NXN: variants seen among roughly 807,000 people sequenced by gnomAD.
The protein encoded by NXN is nucleoredoxin 1.
A neutral mutation model predicts 48.6 loss-of-function variants in NXN; 16 were observed. The ratio of observed to expected loss-of-function variants is 0.33; its 90% CI spans 0.22 to 0.50. The LOEUF (loss-of-function observed/expected upper bound fraction) is 0.50, where lower values mean the gene tolerates loss of function less well. Ranked by LOEUF, NXN falls within the 20% of genes least tolerant of loss-of-function variation. The pLI is 0.98. For missense variants in NXN, 492 were observed against 605.5 expected, an observed-to-expected ratio of 0.81 and a Z score of 1.97; for synonymous variants, 281 against 269.6, an observed-to-expected ratio of 1.04 and a Z score of -0.41.
At chr17:812,010 C>T (rs901794311) in intron 5 of NXN, among the ~76,000 whole-genome samples, 1 of 149,176 alleles carries the variant, frequency 6.7e-6, no homozygotes, top group Non-Finnish European at 1.5e-5. Flanking sequence ...TCACTGCAAG[C>T]TCCGTCTCCC....
chr17:959,227 A>G, intron 1 of NXN: 1 of 1,009,582 alleles, frequency 9.9e-7, no homozygotes, highest in Non-Finnish European at 1.3e-6. Flanking sequence ...ACAGGCCTGC[A>G]GATACCCCAG....
chr17:938,805 AT>A (rs2068937343), intron 1 of NXN, among the ~76,000 whole-genome samples: 2 of 152,200 alleles, frequency 1.3e-5, no homozygotes, highest in South Asian at 4.1e-4. Flanking sequence ...CATGCCTGTA[AT>A]CCCAGCACTT....
At chr17:815,824 C>T (rs1348965383) in intron 5 of NXN, among the ~76,000 whole-genome samples, 1 of 152,220 alleles carries the variant, frequency 6.6e-6, no homozygotes, top group Non-Finnish European at 1.5e-5. Flanking sequence ...CAAGACCCAG[C>T]CACGTCAAAC....
intron 1 of NXN, among the ~76,000 whole-genome samples, chr17:893,079 G>C (rs950661244): frequency 5.3e-5 from 8 of 152,246 alleles, no homozygotes; most frequent in Admixed American, 5.2e-4. Flanking sequence ...AAAGTCTTCA[G>C]ACGTTTGCCT....
At chr17:869,724 C>A (rs969877402) in intron 1 of NXN, among the ~76,000 whole-genome samples, 6 of 152,210 alleles carry the variant, frequency 3.9e-5, no homozygotes, top group Admixed American at 6.5e-5. Flanking sequence ...GGAAGGCGGA[C>A]GTGGTCAGTC....
intron 4 of NXN, among the ~76,000 whole-genome samples, chr17:819,920 C>G (rs904990523): frequency 1.3e-5 from 2 of 152,224 alleles, no homozygotes; most frequent in African/African-American, 2.4e-5. Context: ...AACAGTGACT[C>G]ATATGGGACC....
chr17:864,075 A>AC (rs2068070080), intron 1 of NXN: 1 of 1,250,922 alleles, frequency 8.0e-7, no homozygotes, highest in African/African-American at 3.5e-5. Context: ...GAAGGGGCAC[A>AC]GTTACCGTTG....
chr17:858,655 G>T (rs1457732495), intron 1 of NXN, among the ~76,000 whole-genome samples: 2 of 152,134 alleles, frequency 1.3e-5, no homozygotes, highest in East Asian at 3.9e-4. Context: ...TGTGAACCTG[G>T]GAGGCGGAGG....
intron 1 of NXN, among the ~76,000 whole-genome samples, chr17:838,030 G>A (rs1444844488): frequency 6.6e-6 from 1 of 151,556 alleles, no homozygotes; most frequent in Non-Finnish European, 1.5e-5. Flanking sequence ...TCTCTGCCAC[G>A]CCAGGCTGCA....
intron 1 of NXN, among the ~76,000 whole-genome samples, chr17:954,555 G>C (rs2069145479): frequency 6.6e-6 from 1 of 152,124 alleles, no homozygotes; most frequent in East Asian, 1.9e-4. Context: ...AGGCATATTC[G>C]ACCTCCCTGC....
In NXN at chr17:868,425, C is replaced by T. The variant is rs77246916; in HGVS notation, c.361-42347G>A. Among the ~76,000 whole-genome samples the T allele has an allele frequency of 3.3e-3, 500 of 152,298 alleles. 3 individuals carry two copies. Among genetic ancestry groups the T allele is most frequent in the African/African-American group, 0.011 (449 of 41,572 alleles). ...CCTCGGCTCTCACCCGCAGACTTAA[C>T]GCCTTCGCGCTCCCCAAGCACAGAA... On this transcript the variant is annotated intron_variant, in intron 1 of 7. Coordinates refer to ENST00000336868, the MANE Select transcript of NXN (RefSeq NM_022463.5).
intron 4 of NXN, 23 bp from the exon 5 acceptor site, chr17:819,568 G>A (rs760464053): frequency 1.3e-6 from 2 of 1,537,796 alleles, no homozygotes; most frequent in South Asian, 1.2e-5. Flanking sequence ...ACACGTGGCG[G>A]GCAAGGCTCA....
At chr17:810,805 C>T (rs1375041252) in intron 5 of NXN, among the ~76,000 whole-genome samples, 1 of 152,130 alleles carries the variant, frequency 6.6e-6, no homozygotes. Context: ...AGGAGAATCG[C>T]TTGAACGCGG....
At chr17:926,719 A>AT (rs1418202813) in intron 1 of NXN, among the ~76,000 whole-genome samples, 14 of 114,658 alleles carry the variant, frequency 1.2e-4, no homozygotes, top group Non-Finnish European at 1.2e-4. Context: ...TCATTTTTGT[A>AT]TTTTTTGTAG....
In NXN at chr17:819,533, G is replaced by A; in HGVS notation, c.726C>T (p.Ser242=). The A allele has an allele frequency of 6.2e-7, 1 of 1,604,930 alleles. No individual in the cohort carries two copies. Among genetic ancestry groups the A allele is most frequent in the Non-Finnish European group, 8.5e-7 (1 of 1,174,202 alleles). Residue 242 remains serine (S), a synonymous_variant, in exon 5 of 8, where the codon TCC becomes TCT. Coordinates refer to ENST00000336868, the MANE Select transcript of NXN (RefSeq NM_022463.5). ...IFVSADRSEE[S]FKQYFSEMPW... is the part of the protein sequence containing the mutation. Reference sequence around the variant, plus strand: ...GCATCTCACTGAAGTACTGTTTGAAGGACTCCTCCGACCTACAGAGAGACA... The same window carrying A: ...GCATCTCACTGAAGTACTGTTTGAAAGACTCCTCCGACCTACAGAGAGACA...
rs962947871 is a variant in NXN, at chr17:898,413, G to A, written c.361-72335C>T. Among the ~76,000 whole-genome samples the A allele has an allele frequency of 2.0e-4, 15 of 75,166 alleles. 5 individuals are homozygous for A. Among genetic ancestry groups the A allele is most frequent in the African/African-American group, 3.7e-4 (12 of 32,870 alleles). The allele number at this position is 75,166 out of a possible 152,430, so 49.3% of individuals were successfully genotyped here. On this transcript the variant is annotated intron_variant, in intron 1 of 7. Coordinates refer to ENST00000336868, the MANE Select transcript of NXN (RefSeq NM_022463.5). ...ATTCCCACTCTGCCATCTGGAGCTC[G>A]TCCGGACGCCACCTCCTCTGAGAAA...
intron 1 of NXN, among the ~76,000 whole-genome samples, chr17:938,094 T>G (rs906197296): frequency 6.6e-6 from 1 of 152,226 alleles, no homozygotes; most frequent in African/African-American, 2.4e-5. Context: ...AATGGCCTTC[T>G]GCGTAGCAGC....
chr17:963,934 G>A lies in NXN; in HGVS notation c.360+15385C>T, dbSNP rs899782959. On this transcript the variant is annotated intron_variant, in intron 1 of 7. Coordinates refer to ENST00000336868, the MANE Select transcript of NXN (RefSeq NM_022463.5). ...CTACTAAAAATACAAAAAATCAGCC[G>A]GGCGTGGTGGCGGGCGCCTGTAATC... Among the ~76,000 whole-genome samples the A allele has an allele frequency of 6.6e-5, 10 of 150,658 alleles. No homozygotes were observed. In the East Asian group the frequency reaches 1.2e-3, roughly 18 times the overall value.
At chr17:883,073 G>A (rs1423030176) in intron 1 of NXN, among the ~76,000 whole-genome samples, 1 of 152,158 alleles carries the variant, frequency 6.6e-6, no homozygotes. Context: ...AATAAAACTT[G>A]GCTGTGTGTA....
Sources: gnomAD v4.1 joint callset for allele counts (sites outside exome capture counted in the v4.1 genomes callset) on GRCh38, gnomAD v4.1.1 for gene constraint, MANE v1.5 for transcripts, NCBI Gene and HGNC (gene_info 2026-07-23, HGNC 2026-07-21) for gene names.